The following SAMD4A variants were observed in gnomAD, a reference collection of about 807,000 sequenced individuals.
The protein encoded by SAMD4A is sterile alpha motif domain containing 4A.
In SAMD4A, 33 loss-of-function variants were observed where a neutral mutation model predicts 81.3. That is an observed-to-expected ratio of 0.41 (90% CI 0.31 to 0.54). The LOEUF (loss-of-function observed/expected upper bound fraction) is 0.54. Ranked by LOEUF, SAMD4A falls within the 20% of genes least tolerant of loss-of-function variation. The pLI, the probability that SAMD4A is intolerant of heterozygous loss-of-function variation, is 0.37. For synonymous variants in SAMD4A, 389 were observed against 382.1 expected (o/e 1.02, Z -0.21); for missense variants, 854 against 951.1 (o/e 0.90, Z 1.34).
rs139228946 is a variant in SAMD4A at position 54,636,446 on chromosome 14, C to T, written c.197-65616C>T. Among the ~76,000 whole-genome samples, 381 of 152,146 alleles carry T rather than the reference C, an allele frequency of 2.5e-3. 2 individuals are homozygous for T. Among genetic ancestry groups the T allele is most frequent in the Non-Finnish European group, 3.9e-3 (264 of 68,006 alleles). ...CACTCAGAATGAATTTTGGAGACAT[C>T]GCAGGTTTTGAGCAGAAAAGTGGCA... On this transcript the variant is annotated intron_variant, in intron 2 of 12. Transcript: ENST00000554335.
intron 3 of SAMD4A, among the ~76,000 whole-genome samples, chr14:54,726,017 G>T (rs1447244440): frequency 6.6e-6 from 1 of 151,996 alleles, no homozygotes; most frequent in African/African-American, 2.4e-5. Flanking sequence ...GAGGTCTGGG[G>T]TGAAGCCCAA....
At chr14:54,578,907 C>T (rs1215330689) in intron 2 of SAMD4A, among the ~76,000 whole-genome samples, 4 of 152,054 alleles carry the variant, frequency 2.6e-5, no homozygotes, top group East Asian at 1.9e-4. Context: ...TAAGAAAAAG[C>T]TGTAATGAAG....
intron 2 of SAMD4A, chr14:54,681,918 G>A (rs1006709278): frequency 6.1e-5 from 60 of 985,270 alleles, no homozygotes; most frequent in Non-Finnish European, 7.0e-5. Flanking sequence ...TATGACTGCC[G>A]CAATATCCCA....
At chr14:54,613,134 G>GAAAA (rs1243564048) in intron 2 of SAMD4A, among the ~76,000 whole-genome samples, 17 of 63,652 alleles carry the variant, frequency 2.7e-4, no homozygotes, top group African/African-American at 1.2e-3. Context: ...AAGAGAGAGA[G>GAAAA]AGAAAGGAAG....
At chr14:54,600,234 C>T (rs2034019046) in intron 2 of SAMD4A, among the ~76,000 whole-genome samples, 1 of 152,210 alleles carries the variant, frequency 6.6e-6, no homozygotes, top group Admixed American at 6.5e-5. Flanking sequence ...GGCACCTTCT[C>T]CTGAGCATGT....
rs148250734 is a variant in SAMD4A, at chr14:54,755,522, G to A, written c.1176+3985G>A. On this transcript the variant is annotated intron_variant, in intron 6 of 12. Transcript: ENST00000554335. ...CTGAACAATAACACAGGCTATGCTCGCCCAGAAGGTCGGGAGGGTTTGAAG... is the reference window on the plus strand; with the variant it reads ...CTGAACAATAACACAGGCTATGCTCACCCAGAAGGTCGGGAGGGTTTGAAG... Among the ~76,000 whole-genome samples, 834 of 152,282 alleles carry A rather than the reference G, an allele frequency of 5.5e-3. 6 individuals carry two copies. The highest frequency in any genetic ancestry group is 0.014 in the African/African-American group (589 of 41,538).
Position 54,710,497 on chromosome 14 carries a change from G to T in SAMD4A, c.715+7917G>T, listed in dbSNP as rs555850188. 9.2e-5 allele frequency among the ~76,000 whole-genome samples: 14 copies of T among 152,300 alleles called. No individual in the cohort carries two copies. In the East Asian group the frequency reaches 1.7e-3, roughly 19 times the overall value. Reference sequence around the variant, plus strand: ...CAGACCTACTAAGTAGTTCAGCTGGGATGTGAACCTAGGCAGTGAGGCCCC... The same window carrying T: ...CAGACCTACTAAGTAGTTCAGCTGGTATGTGAACCTAGGCAGTGAGGCCCC... On this transcript the variant is annotated intron_variant, in intron 3 of 12. Coordinates refer to ENST00000554335, the MANE Select transcript of SAMD4A (RefSeq NM_015589.6).
intron 11 of SAMD4A, among the ~76,000 whole-genome samples, chr14:54,776,853 G>A (rs528005995): frequency 1.0e-5 from 1 of 97,080 alleles, no homozygotes; most frequent in East Asian, 3.2e-4. Flanking sequence ...GGCTCCATGT[G>A]TAGTGTGTGT....
intron 2 of SAMD4A, among the ~76,000 whole-genome samples, chr14:54,640,419 C>T (rs1232014655): frequency 3.3e-5 from 5 of 152,136 alleles, no homozygotes; most frequent in African/African-American, 4.8e-5. Flanking sequence ...AATGCAGAGT[C>T]GCAGAGACAT....
intron 4 of SAMD4A, among the ~76,000 whole-genome samples, chr14:54,740,114 G>T (rs1039646835): frequency 2.0e-5 from 3 of 152,210 alleles, no homozygotes; most frequent in Non-Finnish European, 4.4e-5. Context: ...AGGTTGCAGT[G>T]AGCCAAGATC....
At position 54,567,181 on chromosome 14, in the gene SAMD4A, T is replaced by C. The variant is rs1217777458; in HGVS notation, c.-579T>C. ...GGAAGATCTGTTGCTGGTGCTGGCG[T>C]TCTTAAGCACGGCGCCCGAGGCCAC... On this transcript the variant is annotated 5_prime_UTR_variant, in exon 1 of 13. Transcript: ENST00000554335. The C allele has an allele frequency of 6.6e-6, 1 of 151,966 alleles. No homozygotes were observed. Among genetic ancestry groups the C allele is most frequent in the East Asian group, 1.9e-4 (1 of 5,156 alleles). 9.4% of individuals were successfully genotyped at this position (151,966 alleles called of 1,614,324 possible). A position where few individuals can be genotyped will look rare whatever the true frequency, so the allele number is the denominator to read the frequency against.
intron 2 of SAMD4A, among the ~76,000 whole-genome samples, chr14:54,660,010 G>A (rs967347309): frequency 2.4e-4 from 37 of 152,054 alleles, no homozygotes; most frequent in African/African-American, 8.7e-4. Flanking sequence ...GAACCCGGGA[G>A]GCGGAGGTTG....
intron 2 of SAMD4A, among the ~76,000 whole-genome samples, chr14:54,594,885 A>G (rs949451007): frequency 4.6e-5 from 7 of 152,242 alleles, no homozygotes; most frequent in Non-Finnish European, 1.0e-4. Context: ...GCCACTTCAA[A>G]TAATACATCT....
intron 6 of SAMD4A, among the ~76,000 whole-genome samples, chr14:54,756,796 G>A (rs912898827): frequency 2.6e-5 from 4 of 152,206 alleles, no homozygotes; most frequent in South Asian, 2.1e-4. Flanking sequence ...CACTGAACCA[G>A]CCTTCCTCCA....
chr14:54,702,657 T>G, intron 3 of SAMD4A, 77 bp downstream of exon 3: 1 of 1,509,906 alleles, frequency 6.6e-7, no homozygotes. Flanking sequence ...GCTGACAGTG[T>G]CTGCTCCATG....
intron 2 of SAMD4A, among the ~76,000 whole-genome samples, chr14:54,607,704 T>C (rs185402771): frequency 0.073 from 11,042 of 152,092 alleles, 596 homozygotes; most frequent in East Asian, 0.16. Context: ...TCCGCCCGCC[T>C]CGGCCTCCCA....
intron 2 of SAMD4A, among the ~76,000 whole-genome samples, chr14:54,599,577 A>G (rs1312893817): frequency 6.6e-6 from 1 of 152,228 alleles, no homozygotes. Flanking sequence ...CTGAGTTTCA[A>G]TTTTGGCATG....
chr14:54,691,937 G>A (rs1358450829), intron 2 of SAMD4A, among the ~76,000 whole-genome samples: 2 of 152,302 alleles, frequency 1.3e-5, no homozygotes, highest in Admixed American at 6.5e-5. Flanking sequence ...TGACTTGTAC[G>A]TGTATTTCAT....
At position 54,733,711 on chromosome 14, in the gene SAMD4A, T is replaced by A. The variant is rs115502106; in HGVS notation, c.716-3313T>A. Among the ~76,000 whole-genome samples, 1,360 of 152,168 alleles carry A rather than the reference T, an allele frequency of 8.9e-3. 15 individuals carry two copies. Among genetic ancestry groups the A allele is most frequent in the African/African-American group, 0.031 (1,288 of 41,512 alleles). Reference sequence around the variant, plus strand: ...ACCGTTAGCCATTGTCTGCTGCACATCAGTCTACAAGCAAGAACATCTAGA... The same window carrying A: ...ACCGTTAGCCATTGTCTGCTGCACAACAGTCTACAAGCAAGAACATCTAGA... On this transcript the variant is annotated intron_variant, in intron 3 of 12. Coordinates refer to ENST00000554335, the MANE Select transcript of SAMD4A (RefSeq NM_015589.6).
Sources: allele counts gnomAD v4.1 joint callset (sites outside exome capture counted in the v4.1 genomes callset), GRCh38; gene constraint gnomAD v4.1.1; transcripts MANE v1.5; gene names NCBI Gene and HGNC (gene_info 2026-07-23, HGNC 2026-07-21).